The following GNG7 variants were observed in gnomAD, a reference collection of about 807,000 sequenced individuals.
The protein encoded by GNG7 is G protein subunit gamma 7.
Under a neutral mutation model 4.0 loss-of-function variants are expected in GNG7, and 1 was observed. The observed-to-expected ratio is 0.25, with a 90% CI of 0.09 to 1.18. The LOEUF (loss-of-function observed/expected upper bound fraction) is 1.18. GNG7 is among the 50% of genes most tolerant of loss of function. GNG7 has a pLI of 0.50. For synonymous variants in GNG7, 34 were observed against 36.9 expected (o/e 0.92, Z 0.29); for missense variants, 86 against 91.9 (o/e 0.94, Z 0.26).
At chr19:2,646,861 C>T (rs576358446) in intron 1 of GNG7, among the ~76,000 whole-genome samples, 4 of 152,180 alleles carry the variant, frequency 2.6e-5, no homozygotes, top group Non-Finnish European at 5.9e-5. Flanking sequence ...CTCTGTACAT[C>T]TTTGGAGCCT....
chr19:2,661,337 A>AAAGAAAGAAAGG (rs1983169667), intron 1 of GNG7, among the ~76,000 whole-genome samples: 5 of 147,584 alleles, frequency 3.4e-5, no homozygotes, highest in African/African-American at 1.0e-4. Context: ...AGAAAGAAAG[A>AAAGAAAGAAAGG]AAGAAAGAAA....
chr19:2,678,593 T>C (rs1277833747), intron 1 of GNG7, among the ~76,000 whole-genome samples: 1 of 151,820 alleles, frequency 6.6e-6, no homozygotes, highest in African/African-American at 2.4e-5. Context: ...GGGTAATAAA[T>C]GCATACGGTT....
chr19:2,643,823 G>A (rs1185089400), intron 2 of GNG7: 1 of 361,716 alleles, frequency 2.8e-6, no homozygotes, highest in Admixed American at 3.6e-5. Context: ...TAATCTCAAT[G>A]GGACGCTGTC....
rs572411773 is a variant in GNG7 at position 2,533,897 on chromosome 19, G to C, written c.-37-13172C>G. Among the ~76,000 whole-genome samples the C allele has an allele frequency of 5.9e-5, 9 of 152,224 alleles. No individual in the cohort carries two copies. The South Asian group carries it at 1.5e-3, about 25-fold the overall frequency. On this transcript the variant is annotated intron_variant, in intron 3 of 4. Transcript: ENST00000382159. ...AGTGAAAAACTCTGCAAAAGCCTTA[G>C]AACAAACACACATGAATCATATCAG...
intron 2 of GNG7, among the ~76,000 whole-genome samples, chr19:2,586,972 G>A (rs932638559): frequency 1.0e-4 from 14 of 137,128 alleles, no homozygotes; most frequent in Non-Finnish European, 1.4e-4. Context: ...GTGACAGAGC[G>A]GGACTCCATC....
chr19:2,677,012 T>A (rs933721662), intron 1 of GNG7, among the ~76,000 whole-genome samples: 2 of 152,164 alleles, frequency 1.3e-5, no homozygotes, highest in African/African-American at 4.8e-5. Flanking sequence ...CTGGCCGTGA[T>A]CCGGCTCTCA....
intron 2 of GNG7, among the ~76,000 whole-genome samples, chr19:2,568,455 C>T (rs1463811955): frequency 2.4e-5 from 3 of 127,626 alleles, no homozygotes; most frequent in Admixed American, 7.3e-5. Flanking sequence ...CATACATATA[C>T]ATACACACAC....
chr19:2,512,413 T>A lies in GNG7; in HGVS notation c.*2609A>T. ...CCAAGCTAGAAAGAAACCCACAGGC[T>A]TCTGGCAATGGCCACCTCCCTGGGG... On this transcript the variant is annotated 3_prime_UTR_variant, in exon 5 of 5. Transcript: ENST00000382159. This position sits in a 1 kb window ranked among gnomAD's most constrained non-coding sequence, Gnocchi z 4.7. The A allele has an allele frequency of 2.1e-6, 2 of 974,110 alleles. No individual in the cohort carries two copies. The highest frequency in any genetic ancestry group is 1.2e-6 in the Non-Finnish European group (1 of 819,720). The allele number at this position is 974,110 out of a possible 1,614,324, so 60.3% of individuals were successfully genotyped here.
At chr19:2,524,938 A>C (rs1978345639) in intron 3 of GNG7, among the ~76,000 whole-genome samples, 1 of 151,360 alleles carries the variant, frequency 6.6e-6, no homozygotes, top group African/African-American at 2.4e-5. Context: ...GTGCATGTGG[A>C]TGCTTGGGCT....
intron 3 of GNG7, among the ~76,000 whole-genome samples, chr19:2,529,510 G>A (rs985614592): frequency 5.3e-5 from 8 of 152,168 alleles, no homozygotes; most frequent in Middle Eastern, 3.2e-3. Context: ...GAGCCACCAC[G>A]CCCGGCCCAT....
intron 1 of GNG7, among the ~76,000 whole-genome samples, chr19:2,682,191 G>A (rs1568283690): frequency 6.6e-6 from 1 of 151,974 alleles, no homozygotes; most frequent in Non-Finnish European, 1.5e-5. Flanking sequence ...TTACAGGCGT[G>A]AGCCACCGCG....
At chr19:2,542,070 G>A (rs1978978919) in intron 3 of GNG7, among the ~76,000 whole-genome samples, 1 of 150,464 alleles carries the variant, frequency 6.6e-6, no homozygotes, top group Admixed American at 6.6e-5. Flanking sequence ...GCACAGTCGG[G>A]CCTTGGCTAG....
chr19:2,557,189 G>A lies in GNG7; in HGVS notation c.-77-2001C>T, dbSNP rs1397431731. Reference sequence around the variant, plus strand: ...GCGCACACACGTACACACAAGACACGTGCACACACATTTGCATGCACACAC... The same window carrying A: ...GCGCACACACGTACACACAAGACACATGCACACACATTTGCATGCACACAC... On this transcript the variant is annotated intron_variant, in intron 2 of 4. Transcript: ENST00000382159. The surrounding 1 kb of genome is among the most constrained non-coding windows in gnomAD (Gnocchi z 5.1). 6.6e-6 allele frequency among the ~76,000 whole-genome samples: 1 copy of A among 150,490 alleles called. No homozygotes were observed. Among genetic ancestry groups the A allele is most frequent in the Non-Finnish European group, 1.5e-5 (1 of 67,758 alleles).
In GNG7 at chr19:2,525,971, A is replaced by ATTTTTTTTTTTTTTTTTTTTTT. The variant is rs35639922; in HGVS notation, c.-37-5247_-37-5246insAAAAAAAAAAAAAAAAAAAAAA. ...ATTACAGGTGCCTGCCTCCACGCCAATTTTTTTTTTTTTTTTTGAGACAGA... is the reference window on the plus strand; with the variant it reads ...ATTACAGGTGCCTGCCTCCACGCCAATTTTTTTTTTTTTTTTTTTTTTTTTTTTTTTTTTTTTTTGAGACAGA... On this transcript the variant is annotated intron_variant, in intron 3 of 4. Coordinates refer to ENST00000382159, the MANE Select transcript of GNG7 (RefSeq NM_052847.3). Among the ~76,000 whole-genome samples, 172 of 75,664 alleles carry ATTTTTTTTTTTTTTTTTTTTTT rather than the reference A, an allele frequency of 2.3e-3. 34 individuals are homozygous for ATTTTTTTTTTTTTTTTTTTTTT. Among genetic ancestry groups the ATTTTTTTTTTTTTTTTTTTTTT allele is most frequent in the East Asian group, 6.3e-3 (15 of 2,370 alleles). 49.6% of individuals were successfully genotyped at this position (75,664 alleles called of 152,430 possible). A position where few individuals can be genotyped will look rare whatever the true frequency, so the allele number is the denominator to read the frequency against.
At chr19:2,520,943 T>C (rs1978304975) in intron 3 of GNG7, among the ~76,000 whole-genome samples, 2 of 152,140 alleles carry the variant, frequency 1.3e-5, no homozygotes, top group African/African-American at 4.8e-5. Context: ...TGTGGGAGTT[T>C]GCAGAACGAG....
chr19:2,567,453 G>A (rs1568246338), intron 2 of GNG7, among the ~76,000 whole-genome samples: 1 of 151,832 alleles, frequency 6.6e-6, no homozygotes, highest in Non-Finnish European at 1.5e-5. Context: ...AGCCTCCTGA[G>A]CAGCTGGGAC....
At chr19:2,553,534 A>G (rs975022534) in intron 3 of GNG7, among the ~76,000 whole-genome samples, 9 of 148,320 alleles carry the variant, frequency 6.1e-5, no homozygotes, top group Non-Finnish European at 8.9e-5. Context: ...ATTACATGTA[A>G]CATCACATTA....
At chr19:2,647,440 C>T (rs902304488) in intron 1 of GNG7, among the ~76,000 whole-genome samples, 8 of 152,240 alleles carry the variant, frequency 5.3e-5, no homozygotes, top group African/African-American at 1.9e-4. Context: ...AAACTCTGCT[C>T]TGTGCTCCAT....
chr19:2,689,314 G>A (rs187103072), intron 1 of GNG7, among the ~76,000 whole-genome samples: 1 of 151,786 alleles, frequency 6.6e-6, no homozygotes. Context: ...CATTATGGAG[G>A]CTACAGGAAT....
Sources: gnomAD v4.1 joint callset for allele counts (sites outside exome capture counted in the v4.1 genomes callset) on GRCh38, gnomAD v4.1.1 for gene constraint, Gnocchi (gnomAD v3.1) non-coding constraint, MANE v1.5 for transcripts, NCBI Gene and HGNC (gene_info 2026-07-23, HGNC 2026-07-21) for gene names.